FUT9: variants seen among roughly 807,000 people sequenced by gnomAD.
FUT9 encodes the protein 4-galactosyl-N-acetylglucosaminide 3-alpha-L-fucosyltransferase 9.
A neutral mutation model predicts 29.7 loss-of-function variants in FUT9; 15 were observed. That is an observed-to-expected ratio of 0.51 (90% confidence interval 0.34 to 0.78). FUT9 has a LOEUF of 0.78. FUT9 is among the 30% of genes least tolerant of loss of function. FUT9 has a pLI of 0.01. For missense variants in FUT9, 319 were observed against 425.4 expected (o/e 0.75, Z 2.20); for synonymous variants, 169 against 153.7 (o/e 1.10, Z -0.74).
At chr6:96,034,945 A>G (rs1770325087) in intron 1 of FUT9, among the ~76,000 whole-genome samples, 1 of 151,748 alleles carries the variant, frequency 6.6e-6, no homozygotes, top group Non-Finnish European at 1.5e-5. Flanking sequence ...ACTACAAGGT[A>G]TCAGTTGTTT....
At chr6:96,058,235 A>C (rs1371897146) in intron 1 of FUT9, among the ~76,000 whole-genome samples, 1 of 152,140 alleles carries the variant, frequency 6.6e-6, no homozygotes, top group Non-Finnish European at 1.5e-5. Context: ...TTCTATGAAT[A>C]GTTGCTTTAG....
At chr6:96,159,462 G>C (rs1182871990) in intron 2 of FUT9, among the ~76,000 whole-genome samples, 6 of 152,040 alleles carry the variant, frequency 3.9e-5, no homozygotes, top group African/African-American at 1.2e-4. Flanking sequence ...ATTAAGATGG[G>C]TTCTACAAGA....
intron 2 of FUT9, among the ~76,000 whole-genome samples, chr6:96,129,221 C>T (rs542757062): frequency 2.8e-5 from 4 of 144,606 alleles, no homozygotes; most frequent in Non-Finnish European, 4.5e-5. Flanking sequence ...GCCGAGATCA[C>T]GCCACTGCAC....
chr6:96,018,988 G>A (rs940200779), intron 1 of FUT9, among the ~76,000 whole-genome samples: 13 of 151,548 alleles, frequency 8.6e-5, no homozygotes, highest in Admixed American at 2.6e-4. Flanking sequence ...TATTATTTTG[G>A]TATTTGGAAT....
chr6:96,022,740 C>T (rs1770095824), intron 1 of FUT9, among the ~76,000 whole-genome samples: 1 of 151,878 alleles, frequency 6.6e-6, no homozygotes, highest in Non-Finnish European at 1.5e-5. Flanking sequence ...GTCATTGAAT[C>T]TGAGTTGGTA....
intron 1 of FUT9, among the ~76,000 whole-genome samples, chr6:96,043,846 T>C (rs1770511915): frequency 6.6e-6 from 1 of 152,176 alleles, no homozygotes; most frequent in Non-Finnish European, 1.5e-5. Flanking sequence ...AAAATAATAA[T>C]CTTTTAAAAA....
At chr6:96,167,401 C>T (rs1582280408) in intron 2 of FUT9, among the ~76,000 whole-genome samples, 1 of 152,142 alleles carries the variant, frequency 6.6e-6, no homozygotes, top group African/African-American at 2.4e-5. Flanking sequence ...GATCTCCCTC[C>T]ACTTGCAGCA....
At chr6:96,140,052 C>T (rs756396387) in intron 2 of FUT9, among the ~76,000 whole-genome samples, 7 of 152,184 alleles carry the variant, frequency 4.6e-5, no homozygotes, top group Non-Finnish European at 1.0e-4. Context: ...TCTACTTCCT[C>T]TTGCATGCTT....
Position 96,213,246 on chromosome 6 carries a change from T to C in FUT9, c.*9011T>C, listed in dbSNP as rs1353724839. The C allele has an allele frequency of 6.0e-6, 1 of 166,900 alleles. No homozygotes were observed. Among genetic ancestry groups the C allele is most frequent in the Non-Finnish European group, 1.5e-5 (1 of 68,018 alleles). 10.3% of individuals were successfully genotyped at this position (166,900 alleles called of 1,614,324 possible). On this transcript the variant is annotated 3_prime_UTR_variant, in exon 3 of 3. Coordinates refer to ENST00000302103, the MANE Select transcript of FUT9 (RefSeq NM_006581.4). ...TTCTGAAAATGAAGAGTTAGGACTTTACATGATTTCTCTTGCCTCATTCCC... is the reference window on the plus strand; with the variant it reads ...TTCTGAAAATGAAGAGTTAGGACTTCACATGATTTCTCTTGCCTCATTCCC...
chr6:96,156,393 C>T (rs571305631), intron 2 of FUT9, among the ~76,000 whole-genome samples: 60 of 152,018 alleles, frequency 3.9e-4, no homozygotes, highest in Admixed American at 2.8e-3. Flanking sequence ...AAATCAGGCA[C>T]GTGGACACTC....
At chr6:96,075,813 G>A (rs1771134486) in intron 1 of FUT9, among the ~76,000 whole-genome samples, 1 of 152,090 alleles carries the variant, frequency 6.6e-6, no homozygotes. Context: ...CAATGAAAGA[G>A]GCCTGTAGGA....
intron 2 of FUT9, among the ~76,000 whole-genome samples, chr6:96,201,817 G>A (rs1028321687): frequency 1.3e-5 from 2 of 150,702 alleles, no homozygotes; most frequent in African/African-American, 4.9e-5. Context: ...CAATACCTTA[G>A]TTCTGGGAGT....
intron 1 of FUT9, among the ~76,000 whole-genome samples, chr6:96,074,745 A>T (rs1418550877): frequency 6.6e-6 from 1 of 152,134 alleles, no homozygotes; most frequent in Non-Finnish European, 1.5e-5. Context: ...AATATAGGCA[A>T]TAAAGTAATT....
intron 1 of FUT9, among the ~76,000 whole-genome samples, chr6:96,062,967 A>G (rs751809571): frequency 6.6e-6 from 1 of 152,198 alleles, no homozygotes; most frequent in Non-Finnish European, 1.5e-5. Flanking sequence ...CTGAGGAAAC[A>G]GAAATGGGGG....
In FUT9 at chr6:96,160,788, C is replaced by A. The variant is rs540047239; in HGVS notation, c.-8-42360C>A. 2.4e-4 allele frequency among the ~76,000 whole-genome samples: 36 copies of A among 152,094 alleles called. 2 individuals carry two copies. In the South Asian group the frequency reaches 7.5e-3, roughly 32 times the overall value. ...GAATTAATTTTGATAAAAATATAAT[C>A]TTTTTACAAAGCAAAATTATCACAT... On this transcript the variant is annotated intron_variant, in intron 2 of 2. Transcript: ENST00000302103.
intron 2 of FUT9, among the ~76,000 whole-genome samples, chr6:96,179,581 C>G (rs1045267079): frequency 6.6e-6 from 1 of 152,014 alleles, no homozygotes. Context: ...ATTCAAAACA[C>G]TATGTTACAT....
In FUT9 at chr6:96,213,711, A is replaced by T. The variant is rs184048610; in HGVS notation, c.*9476A>T. 95 of 166,968 alleles carry T rather than the reference A, an allele frequency of 5.7e-4. No homozygotes were observed. The highest frequency in any genetic ancestry group is 2.2e-3 in the African/African-American group (92 of 41,560). The allele number at this position is 166,968 out of a possible 1,614,324, so 10.3% of individuals were successfully genotyped here. A position where few individuals can be genotyped will look rare whatever the true frequency, so the allele number is the denominator to read the frequency against. ...TCTGGATTTTTATAGATAAAATCAC[A>T]TGTTGATCAGAAATCATTTTTCTAC... On this transcript the variant is annotated 3_prime_UTR_variant, in exon 3 of 3. Coordinates refer to ENST00000302103, the MANE Select transcript of FUT9 (RefSeq NM_006581.4).
In FUT9 at chr6:96,036,348, C is replaced by A. The variant is rs1770365205; in HGVS notation, c.-98+20136C>A. 2.0e-5 allele frequency among the ~76,000 whole-genome samples: 3 copies of A among 151,314 alleles called. No individual in the cohort carries two copies. In the South Asian group the frequency reaches 6.2e-4, roughly 31 times the overall value. ...CAAATTATGAAGAGTAAATATATATCTGAAATTTGCTATTATAATTAAATA... is the reference window on the plus strand; with the variant it reads ...CAAATTATGAAGAGTAAATATATATATGAAATTTGCTATTATAATTAAATA... On this transcript the variant is annotated intron_variant, in intron 1 of 2. Transcript: ENST00000302103.
intron 1 of FUT9, among the ~76,000 whole-genome samples, chr6:96,070,306 A>G (rs1771036332): frequency 6.6e-6 from 1 of 152,228 alleles, no homozygotes; most frequent in East Asian, 1.9e-4. Context: ...ACATTTATTA[A>G]AGCATTATTT....
Sources: allele counts gnomAD v4.1 joint callset (sites outside exome capture counted in the v4.1 genomes callset), GRCh38; gene constraint gnomAD v4.1.1; transcripts MANE v1.5; gene names NCBI Gene and HGNC (gene_info 2026-07-23, HGNC 2026-07-21).